MIEN1: variants seen among roughly 807,000 people sequenced by gnomAD.
MIEN1 encodes HBV X-transactivated gene 4 protein.
A neutral mutation model predicts 15.5 loss-of-function variants in MIEN1; 12 were observed. The ratio of observed to expected loss-of-function variants is 0.78; its 90% CI spans 0.50 to 1.26. The LOEUF (loss-of-function observed/expected upper bound fraction) is 1.26. Ranked by LOEUF, MIEN1 falls within the 50% of genes most tolerant of loss-of-function variation. The probability of loss-of-function intolerance (pLI) is 0.00; values close to 1 mark genes in which losing one functional copy is unlikely to be tolerated. For synonymous variants in MIEN1, 63 were observed against 62.8 expected, an observed-to-expected ratio of 1.00 and a Z score of -0.02; for missense variants, 160 against 151.7, an observed-to-expected ratio of 1.05 and a Z score of -0.29.
chr17:39,730,091 C>A, intron 2 of MIEN1, 103 bp downstream of exon 2: 2 of 1,093,988 alleles, frequency 1.8e-6, no homozygotes, highest in South Asian at 2.8e-5. Context: ...ATGTGCCAGG[C>A]ACTGCGGGCA....
chr17:39,729,599 CAAT>C lies in MIEN1; in HGVS notation c.268_270del (p.Ile90del), dbSNP rs2059922053. On this transcript the variant is annotated inframe_deletion, in exon 4 of 4. Transcript: ENST00000394231. Reference sequence around the variant, plus strand: ...CCATTACTGGCTCTTCGGATGGCCTCAATGAGCTAGAGGAGTGGAATGACAGGA... The same window carrying C: ...CCATTACTGGCTCTTCGGATGGCCTCGAGCTAGAGGAGTGGAATGACAGGA... The C allele has an allele frequency of 6.2e-7, 1 of 1,613,954 alleles. No individual in the cohort carries two copies. The highest frequency in any genetic ancestry group is 8.5e-7 in the Non-Finnish European group (1 of 1,180,010).
At position 39,729,312 on chromosome 17, in the gene MIEN1, G is replaced by A; in HGVS notation, c.*210C>T. 2 of 613,970 alleles carry A rather than the reference G, an allele frequency of 3.3e-6. No individual in the cohort carries two copies. The highest frequency in any genetic ancestry group is 4.1e-5 in the South Asian group (2 of 49,358). The allele number at this position is 613,970 out of a possible 1,614,324, so 38.0% of individuals were successfully genotyped here. The stretch of plus-strand genomic sequence containing the variant: ...CCTGGGAAGGGGGTATGAGGTGGCT[G>A]GAGAAGTGTTCATGGAGAGTGTCTC... On this transcript the variant is annotated 3_prime_UTR_variant, in exon 4 of 4. Coordinates refer to ENST00000394231, the MANE Select transcript of MIEN1 (RefSeq NM_032339.5).
At chr17:39,730,100 C>A in intron 2 of MIEN1, 94 bp downstream of exon 2, 1 of 1,217,980 alleles carries the variant, frequency 8.2e-7, no homozygotes, top group Non-Finnish European at 1.2e-6. Flanking sequence ...GCACTGCGGG[C>A]ACTTTACATA....
Position 39,730,522 on chromosome 17 carries a change from C to T in MIEN1, c.-27G>A. The T allele has an allele frequency of 6.6e-7, 1 of 1,518,560 alleles. No homozygotes were observed. 94.1% of individuals were successfully genotyped at this position (1,518,560 alleles called of 1,614,324 possible). A position where few individuals can be genotyped will look rare whatever the true frequency, so the allele number is the denominator to read the frequency against. ...GCGGCCGGCTCCGCTCGGGCCCCTG[C>T]TTCCGGGTGTGACGCGAACCGCGGG... On this transcript the variant is annotated 5_prime_UTR_variant, in exon 1 of 4. Transcript: ENST00000394231.
intron 2 of MIEN1, 75 bp downstream of exon 2, chr17:39,730,119 A>G (rs2059928139): frequency 7.2e-7 from 1 of 1,393,900 alleles, no homozygotes; most frequent in Non-Finnish European, 9.9e-7. Flanking sequence ...TAAAGCAGCC[A>G]ATGTCAGAAC....
Position 39,729,267 on chromosome 17 carries a change from G to A in MIEN1, c.*255C>T. The A allele has an allele frequency of 1.8e-6, 1 of 554,314 alleles. No individual in the cohort carries two copies. Among genetic ancestry groups the A allele is most frequent in the Non-Finnish European group, 3.2e-6 (1 of 310,582 alleles). 34.3% of individuals were successfully genotyped at this position (554,314 alleles called of 1,614,324 possible). ...GTATTACCGAGGCGAAGAGTGGACT[G>A]GGCTTTCGTGGGCACTTACCCTGGG... On this transcript the variant is annotated 3_prime_UTR_variant, in exon 4 of 4. Coordinates refer to ENST00000394231, the MANE Select transcript of MIEN1 (RefSeq NM_032339.5).
Position 39,729,566 on chromosome 17 carries a change from G to C in MIEN1, c.304C>G (p.Leu102Val). ...GGACGGCTGTTGGTGATCTTTTCTAGGGTTTCTCCATTACTGGCTCTTCGG... is the reference window on the plus strand; with the variant it reads ...GGACGGCTGTTGGTGATCTTTTCTACGGTTTCTCCATTACTGGCTCTTCGG... ...AIRRASNGET[L>V]EKITNSRPPC... is the part of the protein sequence containing the mutation. Residue 102 changes from leucine to valine, a missense_variant, in exon 4 of 4, where the codon CTA becomes GTA. Transcript: ENST00000394231. The C allele has an allele frequency of 1.9e-6, 3 of 1,614,118 alleles. No individual in the cohort carries two copies. Among genetic ancestry groups the C allele is most frequent in the African/African-American group, 2.7e-5 (2 of 75,002 alleles).
Position 39,729,869 on chromosome 17 carries a change from A to T in MIEN1, c.188-108T>A, listed in dbSNP as rs1435930130. On this transcript the variant is annotated intron_variant, in intron 2 of 3. Transcript: ENST00000394231. ...AAGTCCCCCATCAATCCCACTGGAGACCCATTTGTAGCTCCTTAAGCAATT... is the reference window on the plus strand; with the variant it reads ...AAGTCCCCCATCAATCCCACTGGAGTCCCATTTGTAGCTCCTTAAGCAATT... The T allele has an allele frequency of 4.3e-6, 6 of 1,409,020 alleles. No homozygotes were observed. In the East Asian group the frequency reaches 1.1e-4, roughly 27 times the overall value. The allele number at this position is 1,409,020 out of a possible 1,614,324, so 87.3% of individuals were successfully genotyped here. A position where few individuals can be genotyped will look rare whatever the true frequency, so the allele number is the denominator to read the frequency against.
At chr17:39,729,961 A>T in intron 2 of MIEN1, 200 bp from the exon 3 acceptor site, 1 of 716,904 alleles carries the variant, frequency 1.4e-6, no homozygotes. Flanking sequence ...CGCAACACTC[A>T]ATAAAGGACT....
chr17:39,729,553 G>A lies in MIEN1; in HGVS notation c.317C>T (p.Thr106Ile). 3 of 1,614,072 alleles carry A rather than the reference G, an allele frequency of 1.9e-6. No homozygotes were observed. The highest frequency in any genetic ancestry group is 2.5e-6 in the Non-Finnish European group (3 of 1,180,018). ...ASNGETLEKI[T>I]NSRPPCVIL is the part of the protein sequence containing the mutation. ...GATGACGCAGGGAGGACGGCTGTTG[G>A]TGATCTTTTCTAGGGTTTCTCCATT... is the stretch of plus-strand genomic sequence containing the variant. Residue 106 changes from threonine (T) to isoleucine (I), a missense_variant, in exon 4 of 4, where the codon ACC becomes ATC. Coordinates refer to ENST00000394231, the MANE Select transcript of MIEN1 (RefSeq NM_032339.5).
rs1181446528 is a variant in MIEN1, at chr17:39,729,297, G to T, written c.*225C>A. On this transcript the variant is annotated 3_prime_UTR_variant, in exon 4 of 4. Coordinates refer to ENST00000394231, the MANE Select transcript of MIEN1 (RefSeq NM_032339.5). ...TTCGTGGGCACTTACCCTGGGAAGG[G>T]GGTATGAGGTGGCTGGAGAAGTGTT... 8.5e-6 allele frequency: 5 copies of T among 588,122 alleles called. No homozygotes were observed. The highest frequency in any genetic ancestry group is 5.7e-5 in the East Asian group (2 of 35,348). The allele number at this position is 588,122 out of a possible 1,614,324, so 36.4% of individuals were successfully genotyped here. A position where few individuals can be genotyped will look rare whatever the true frequency, so the allele number is the denominator to read the frequency against.
chr17:39,730,122 G>A (rs1179876699), intron 2 of MIEN1, 72 bp downstream of exon 2: 1 of 1,422,288 alleles, frequency 7.0e-7, no homozygotes, highest in Non-Finnish European at 9.6e-7. Flanking sequence ...AGCAGCCAAT[G>A]TCAGAACTAG....
chr17:39,730,496 C>G lies in MIEN1; in HGVS notation c.-1G>C. On this transcript the variant is annotated 5_prime_UTR_variant, in exon 1 of 4. Transcript: ENST00000394231. ...ACGTCTGCCCCGGCTCCCCGCTCAT[C>G]GCGGCCGGCTCCGCTCGGGCCCCTG... 1 of 1,532,096 alleles carries G rather than the reference C, an allele frequency of 6.5e-7. No homozygotes were observed. The highest frequency in any genetic ancestry group is 8.7e-7 in the Non-Finnish European group (1 of 1,143,706). 94.9% of individuals were successfully genotyped at this position (1,532,096 alleles called of 1,614,324 possible). A position where few individuals can be genotyped will look rare whatever the true frequency, so the allele number is the denominator to read the frequency against.
intron 2 of MIEN1, 157 bp downstream of exon 2, chr17:39,730,037 C>T: frequency 1.3e-6 from 1 of 773,832 alleles, no homozygotes; most frequent in Non-Finnish European, 2.1e-6. Context: ...CTGTGACACC[C>T]CCTGACCTAT....
Position 39,730,451 on chromosome 17 carries a change from C to T in MIEN1, c.45G>A (p.Glu15=), listed in dbSNP as rs1260869107. Reference sequence around the variant, plus strand: ...GGACCCCACTGCCCGGCTCGACCTCCTCGGGAGGGGGCGCTACGGACGTCT... The same window carrying T: ...GGACCCCACTGCCCGGCTCGACCTCTTCGGGAGGGGGCGCTACGGACGTCT... ...PGQTSVAPPP[E]EVEPGSGVRI... Residue 15 remains glutamate, a synonymous_variant, in exon 1 of 4, where the codon GAG becomes GAA. Coordinates refer to ENST00000394231, the MANE Select transcript of MIEN1 (RefSeq NM_032339.5). 6.5e-6 allele frequency: 10 copies of T among 1,548,842 alleles called. No individual in the cohort carries two copies. The highest frequency in any genetic ancestry group is 7.8e-6 in the Non-Finnish European group (9 of 1,148,318).
At chr17:39,729,882 T>C (rs2059925696) in intron 2 of MIEN1, 121 bp from the exon 3 acceptor site, 1 of 1,305,268 alleles carries the variant, frequency 7.7e-7, no homozygotes, top group African/African-American at 1.5e-5. Context: ...CATTTGTAGC[T>C]CCTTAAGCAA....
In MIEN1 at chr17:39,729,693, C is replaced by G. The variant is rs774394706; in HGVS notation, c.256G>C (p.Glu86Gln). The G allele has an allele frequency of 1.2e-6, 2 of 1,614,190 alleles. No homozygotes were observed. Residue 86 changes from glutamate (E) to glutamine (Q), a missense_variant, in exon 3 of 4, where the codon GAG becomes CAG. By Grantham distance (29) the Glu-to-Gln change is conservative. Transcript: ENST00000394231. ...ACGCTGTAAATACTCACATCTTTCT[C>G]ATAGGGAAAGCCCCCATTCTCCAGC... The part of the protein sequence containing the change: ...SKLENGGFPY[E>Q]KDLIEAIRRA...
At position 39,729,052 on chromosome 17, in the gene MIEN1, C is replaced by A. The variant is rs538360020; in HGVS notation, c.*470G>T. ...AAGGAGTAGCTGTCCAGAAAGCCCA[C>A]CCAGCCAGCACAGCCACCCTGGCGG... On this transcript the variant is annotated 3_prime_UTR_variant, in exon 4 of 4. Coordinates refer to ENST00000394231, the MANE Select transcript of MIEN1 (RefSeq NM_032339.5). The A allele has an allele frequency of 3.3e-3, 587 of 179,564 alleles. 1 individual carries two copies. The highest frequency in any genetic ancestry group is 4.9e-3 in the Non-Finnish European group (406 of 83,412). 11.1% of individuals were successfully genotyped at this position (179,564 alleles called of 1,614,324 possible).
In MIEN1 at chr17:39,729,206, T is replaced by G; in HGVS notation, c.*316A>C. On this transcript the variant is annotated 3_prime_UTR_variant, in exon 4 of 4. Transcript: ENST00000394231. ...GCCAATAGCTGACATTGCCCTGGGT[T>G]AGGGGAGAATAAATAAAATCTGTGG... 2.5e-6 allele frequency: 1 copy of G among 406,962 alleles called. No homozygotes were observed. The highest frequency in any genetic ancestry group is 4.5e-5 in the East Asian group (1 of 22,092). The allele number at this position is 406,962 out of a possible 1,614,324, so 25.2% of individuals were successfully genotyped here.
Sources: allele counts gnomAD v4.1 joint callset, GRCh38; gene constraint gnomAD v4.1.1; transcripts MANE v1.5; gene names NCBI Gene and HGNC (gene_info 2026-07-23, HGNC 2026-07-21).